The following SGCD variants were observed in gnomAD, a reference collection of about 807,000 sequenced individuals.
SGCD encodes delta-sarcoglycan.
SGCD carries 18 observed loss-of-function variants against 36.6 expected under a neutral mutation model. The ratio of observed to expected loss-of-function variants is 0.49; its 90% confidence interval spans 0.34 to 0.73. The LOEUF (loss-of-function observed/expected upper bound fraction) is 0.73, where lower values mean the gene tolerates loss of function less well. SGCD is among the 30% of genes least tolerant of loss of function. The probability of loss-of-function intolerance (pLI) is 0.01; values close to 1 mark genes in which losing one functional copy is unlikely to be tolerated. For missense variants in SGCD, 387 were observed against 346.7 expected (o/e 1.12, Z -0.92); for synonymous variants, 133 against 130.6 (o/e 1.02, Z -0.12).
intron 3 of SGCD, among the ~76,000 whole-genome samples, chr5:156,316,990 T>A (rs1767533019): frequency 5.3e-5 from 8 of 151,622 alleles, no homozygotes. Context: ...AGTTTTGCTA[T>A]CTAGAGTTAC....
chr5:155,840,536 G>C, the SGCD span, among the ~76,000 whole-genome samples: 5 of 150,224 alleles, frequency 3.3e-5, no homozygotes, highest in Non-Finnish European at 4.4e-5. Flanking sequence ...TGATCTGCCT[G>C]CCTCGGCCTC....
rs374692334 is a variant in SGCD, at chr5:156,760,213, G to A, written c.*823G>A. The A allele has an allele frequency of 1.3e-5, 2 of 152,264 alleles. No individual in the cohort carries two copies. The highest frequency in any genetic ancestry group is 2.4e-5 in the African/African-American group (1 of 41,548). 9.4% of individuals were successfully genotyped at this position (152,264 alleles called of 1,614,324 possible). A position where few individuals can be genotyped will look rare whatever the true frequency, so the allele number is the denominator to read the frequency against. Reference sequence around the variant, plus strand: ...ATGGCCTGATGGGCAATGAACAAACGGGTGATATGTCTCTGTTTAAGGGAA... The same window carrying A: ...ATGGCCTGATGGGCAATGAACAAACAGGTGATATGTCTCTGTTTAAGGGAA... On this transcript the variant is annotated 3_prime_UTR_variant, in exon 9 of 9. Transcript: ENST00000337851.
chr5:156,266,296 T>A (rs1225966493), intron 3 of SGCD, among the ~76,000 whole-genome samples: 2 of 152,212 alleles, frequency 1.3e-5, no homozygotes, highest in African/African-American at 4.8e-5. Flanking sequence ...ATGCTACAAA[T>A]ACAGCCTAAC....
intron 3 of SGCD, among the ~76,000 whole-genome samples, chr5:156,463,452 G>A (rs1754579406): frequency 6.6e-6 from 1 of 152,046 alleles, no homozygotes; most frequent in Non-Finnish European, 1.5e-5. Context: ...AAAGTTCTAT[G>A]GGATTTAGGC....
At chr5:156,143,395 A>G (rs1010303632) in intron 3 of SGCD, among the ~76,000 whole-genome samples, 1 of 152,200 alleles carries the variant, frequency 6.6e-6, no homozygotes, top group Non-Finnish European at 1.5e-5. Context: ...GATCCCCCAT[A>G]GAGAGTCCCC....
At chr5:156,467,614 A>T (rs928116035) in intron 3 of SGCD, among the ~76,000 whole-genome samples, 4 of 152,360 alleles carry the variant, frequency 2.6e-5, no homozygotes, top group African/African-American at 9.6e-5. Context: ...CTATCATTGT[A>T]TTAATACTTT....
At chr5:156,218,063 C>T (rs1581174711) in intron 3 of SGCD, among the ~76,000 whole-genome samples, 1 of 152,000 alleles carries the variant, frequency 6.6e-6, no homozygotes, top group African/African-American at 2.4e-5. Flanking sequence ...CATTTGAGGT[C>T]AGGAGTTTGA....
At chr5:156,022,691 G>A (rs1347264239) in intron 1 of SGCD, among the ~76,000 whole-genome samples, 1 of 152,054 alleles carries the variant, frequency 6.6e-6, no homozygotes, top group East Asian at 1.9e-4. Context: ...GAATATGTGA[G>A]GCAAGTTACT....
chr5:156,693,395 G>T (rs1425433437), intron 7 of SGCD, among the ~76,000 whole-genome samples: 4 of 152,146 alleles, frequency 2.6e-5, no homozygotes, highest in Middle Eastern at 3.2e-3. Context: ...AAGGAGACCA[G>T]TGCCTCCTTC....
chr5:156,491,926 T>A (rs982573089), intron 3 of SGCD, among the ~76,000 whole-genome samples: 1 of 152,116 alleles, frequency 6.6e-6, no homozygotes, highest in African/African-American at 2.4e-5. Flanking sequence ...TCCTAAAAAA[T>A]TTTTTAACTT....
At chr5:155,911,764 A>T (rs186710031) in intron 1 of SGCD, among the ~76,000 whole-genome samples, 11 of 152,208 alleles carry the variant, frequency 7.2e-5, no homozygotes, top group African/African-American at 2.6e-4. Context: ...ATTGTCAAGG[A>T]CTTAGATCTG....
intron 7 of SGCD, among the ~76,000 whole-genome samples, chr5:156,671,304 G>A (rs112698723): frequency 1.1e-4 from 15 of 135,342 alleles, no homozygotes; most frequent in East Asian, 2.2e-4. Flanking sequence ...ACAGAGTCTC[G>A]CTCTGTCACC....
chr5:156,756,187 G>C (rs148245321), intron 7 of SGCD, among the ~76,000 whole-genome samples: 55 of 152,288 alleles, frequency 3.6e-4, no homozygotes, highest in African/African-American at 1.2e-3. Context: ...TGAGGTCTCC[G>C]TTCCTACGTT....
chr5:155,895,918 T>A (rs763503891), intron 1 of SGCD, among the ~76,000 whole-genome samples: 2 of 152,218 alleles, frequency 1.3e-5, no homozygotes, highest in Non-Finnish European at 2.9e-5. Context: ...AACTTCCCTG[T>A]TGCTGTGAGA....
intron 3 of SGCD, among the ~76,000 whole-genome samples, chr5:156,388,922 A>G (rs1029197994): frequency 2.0e-5 from 3 of 152,204 alleles, no homozygotes; most frequent in South Asian, 4.1e-4. Context: ...TATTTGTACA[A>G]TCTACTAGGA....
At chr5:156,647,660 G>A in intron 7 of SGCD, 124 bp downstream of exon 7, 3 of 673,440 alleles carry the variant, frequency 4.5e-6, no homozygotes, top group Non-Finnish European at 7.9e-6. Context: ...GAAAGAGGTT[G>A]GAGAGAACCA....
chr5:156,021,165 C>T (rs1759087754), intron 1 of SGCD, among the ~76,000 whole-genome samples: 1 of 152,130 alleles, frequency 6.6e-6, no homozygotes, highest in African/African-American at 2.4e-5. Context: ...GTTTTTAATA[C>T]ATTCTCACCA....
intron 6 of SGCD, among the ~76,000 whole-genome samples, chr5:156,599,472 G>A (rs1437373035): frequency 2.0e-5 from 3 of 152,176 alleles, no homozygotes; most frequent in Non-Finnish European, 2.9e-5. Context: ...ATAGCAAGTT[G>A]AGTAGAAATA....
At chr5:155,755,427 C>T in the SGCD span, among the ~76,000 whole-genome samples, 2 of 152,166 alleles carry the variant, frequency 1.3e-5, no homozygotes, top group Middle Eastern at 3.2e-3. Context: ...TCAAATCCAA[C>T]ATTATAAAAC....
Sources: gnomAD v4.1 joint callset for allele counts (sites outside exome capture counted in the v4.1 genomes callset) on GRCh38, gnomAD v4.1.1 for gene constraint, MANE v1.5 for transcripts, NCBI Gene and HGNC (gene_info 2026-07-23, HGNC 2026-07-21) for gene names.